Variants in C4orf51 observed in about 807,000 individuals in gnomAD.
C4orf51 encodes the protein uncharacterized protein C4orf51.
In C4orf51, 25 loss-of-function variants were observed where a neutral mutation model predicts 25.2. That is an observed-to-expected ratio of 0.99 (90% CI 0.72 to 1.39). The LOEUF (loss-of-function observed/expected upper bound fraction) is 1.39. C4orf51 is among the 40% of genes most tolerant of loss of function. The pLI is 0.00. For synonymous variants in C4orf51, 100 were observed against 84.5 expected (o/e 1.18, Z -1.01); for missense variants, 252 against 239.6 (o/e 1.05, Z -0.34).
At chr4:145,693,459 G>A (rs1036858814) in intron 1 of C4orf51, among the ~76,000 whole-genome samples, 22 of 152,052 alleles carry the variant, frequency 1.4e-4, no homozygotes, top group Admixed American at 1.0e-3. Context: ...GCAACCATCC[G>A]ATTTCTCAAT....
chr4:145,756,454 G>T (rs1024336196), downstream of C4orf51, among the ~76,000 whole-genome samples: 1 of 152,130 alleles, frequency 6.6e-6, no homozygotes. Flanking sequence ...GAGAGGATGT[G>T]GTCTGTTCTG....
Position 145,765,167 on chromosome 4 carries a change from T to C in C4orf51, n.167-5821T>C. 6.2e-7 allele frequency: 1 copy of C among 1,601,114 alleles called. No homozygotes were observed. Among genetic ancestry groups the C allele is most frequent in the Non-Finnish European group, 8.5e-7 (1 of 1,173,384 alleles). ...AGTTGCAAAAAACACATTCGAACCC[T>C]GCAAGGACCGAAGCTGGGTATAGAG... On this transcript the variant is annotated intron_variant and non_coding_transcript_variant, in intron 1 of 1. Transcript: ENST00000510096. The surrounding 1 kb of genome is among the most constrained non-coding windows in gnomAD (Gnocchi z 4.7).
intron 2 of C4orf51, among the ~76,000 whole-genome samples, chr4:145,701,807 G>C (rs1180609176): frequency 6.6e-6 from 1 of 151,874 alleles, no homozygotes; most frequent in Non-Finnish European, 1.5e-5. Context: ...ACTCTTTTAT[G>C]CACTCTTTTT....
chr4:145,784,348 C>T, the C4orf51 span, among the ~76,000 whole-genome samples: 1 of 152,176 alleles, frequency 6.6e-6, no homozygotes, highest in Non-Finnish European at 1.5e-5. Context: ...TTTCAGCCAC[C>T]GTTGGTTGGG....
chr4:145,700,863 C>T (rs565114319), intron 2 of C4orf51, among the ~76,000 whole-genome samples: 1 of 152,278 alleles, frequency 6.6e-6, no homozygotes, highest in East Asian at 1.9e-4. Context: ...TTATCGCCTC[C>T]CCTCCTCACA....
chr4:145,726,274 G>A (rs1052933524), intron 2 of C4orf51, among the ~76,000 whole-genome samples: 10 of 152,110 alleles, frequency 6.6e-5, no homozygotes, highest in African/African-American at 2.4e-4. Context: ...CAGGGTAACT[G>A]GCATATCCAT....
At chr4:145,745,461 T>C (rs934665705) in intron 1 of C4orf51, among the ~76,000 whole-genome samples, 1 of 152,074 alleles carries the variant, frequency 6.6e-6, no homozygotes, top group Admixed American at 6.6e-5. Context: ...CCCACAAATA[T>C]GTAAGAACAT....
chr4:145,761,046 G>T lies in C4orf51; in HGVS notation n.167-9942G>T. On this transcript the variant is annotated intron_variant and non_coding_transcript_variant, in intron 1 of 1. Coordinates refer to the C4orf51 transcript ENST00000510096. This position sits in a 1 kb window ranked among gnomAD's most constrained non-coding sequence, Gnocchi z 6.8. ...TGCCGTGGGCTGCCGACAGGGCCAC[G>T]GTCTGCAGAGCCTGGGAGGCAGACA... 7.8e-7 allele frequency: 1 copy of T among 1,288,010 alleles called. No individual in the cohort carries two copies. Among genetic ancestry groups the T allele is most frequent in the Non-Finnish European group, 1.0e-6 (1 of 987,566 alleles). 79.8% of individuals were successfully genotyped at this position (1,288,010 alleles called of 1,614,324 possible).
intron 3 of C4orf51, among the ~76,000 whole-genome samples, chr4:145,728,167 T>C (rs1732220203): frequency 1.3e-5 from 2 of 150,824 alleles, no homozygotes; most frequent in South Asian, 4.2e-4. Context: ...TAAAATCATC[T>C]CTTCAGGGTA....
At chr4:145,754,203 G>A (rs1430348769) in intron 1 of C4orf51, 1 of 152,180 alleles carries the variant, frequency 6.6e-6, no homozygotes, top group Non-Finnish European at 1.5e-5. Flanking sequence ...ACCTTTTGTT[G>A]TAGCAACCAG....
chr4:145,776,113 A>G, the C4orf51 span, among the ~76,000 whole-genome samples: 2 of 152,316 alleles, frequency 1.3e-5, no homozygotes, highest in African/African-American at 4.8e-5. Context: ...GTAAGTATCT[A>G]AAAGTCTTTA....
chr4:145,759,569 T>C (rs1734235096), intron 1 of C4orf51: 2 of 152,300 alleles, frequency 1.3e-5, no homozygotes, highest in African/African-American at 4.8e-5. Flanking sequence ...AACTGAACCA[T>C]AGGACTAAAC....
At chr4:145,710,929 T>A (rs1380758748) in intron 2 of C4orf51, among the ~76,000 whole-genome samples, 1 of 152,162 alleles carries the variant, frequency 6.6e-6, no homozygotes, top group Non-Finnish European at 1.5e-5. Context: ...GAGGCAAAAC[T>A]TATCTGAGGA....
chr4:145,741,384 G>T (rs959366203), intron 1 of C4orf51, among the ~76,000 whole-genome samples: 2 of 152,052 alleles, frequency 1.3e-5, no homozygotes, highest in East Asian at 3.9e-4. Context: ...TTTAGGAGAC[G>T]AGGTACTAAA....
At chr4:145,696,686 G>A (rs2126691122) in intron 2 of C4orf51, 54 bp downstream of exon 2, 1 of 1,339,654 alleles carries the variant, frequency 7.5e-7, no homozygotes, top group East Asian at 2.3e-5. Flanking sequence ...GGGTTGCTGT[G>A]TTTCTTTCAG....
rs761442015 is a variant in C4orf51 at position 145,680,227 on chromosome 4, T to G, written c.24T>G (p.Thr8=). 6.2e-6 allele frequency: 10 copies of G among 1,613,686 alleles called. No homozygotes were observed. The Admixed American group carries it at 1.5e-4, about 24-fold the overall frequency. Residue 8 remains threonine, a synonymous_variant, in exon 1 of 6, where the codon ACT becomes ACG. Transcript: ENST00000438731. MSHYFYL[T]PQILLPFSPL... The stretch of plus-strand genomic sequence containing the variant: ...TTATGTCACACTACTTCTACTTGAC[T>G]CCACAAATTCTTCTGCCCTTTAGCC...
intron 1 of C4orf51, among the ~76,000 whole-genome samples, chr4:145,740,552 C>A (rs940032281): frequency 3.3e-5 from 5 of 152,142 alleles, no homozygotes; most frequent in Non-Finnish European, 7.4e-5. Flanking sequence ...GAATAATAAC[C>A]ACCCCTTGTT....
the C4orf51 span, chr4:145,779,422 C>T: frequency 6.2e-7 from 1 of 1,614,146 alleles, no homozygotes; most frequent in African/African-American, 1.3e-5. Context: ...CGGCCAAACA[C>T]TTTCCCACAC....
intron 2 of C4orf51, among the ~76,000 whole-genome samples, chr4:145,719,482 A>G (rs1296294820): frequency 1.3e-5 from 2 of 151,094 alleles, no homozygotes; most frequent in African/African-American, 4.9e-5. Flanking sequence ...GCGGGCGCCT[A>G]TAGTCCCAGC....
Sources: gnomAD v4.1 joint callset for allele counts (sites outside exome capture counted in the v4.1 genomes callset) on GRCh38, gnomAD v4.1.1 for gene constraint, Gnocchi (gnomAD v3.1) non-coding constraint, MANE v1.5 for transcripts, NCBI Gene and HGNC (gene_info 2026-07-23, HGNC 2026-07-21) for gene names.